Variants in CCDC73 observed in about 807,000 individuals in gnomAD.
CCDC73 encodes the protein coiled-coil domain-containing protein 73.
CCDC73 carries 95 observed loss-of-function variants against 116.5 expected under a neutral mutation model. That is an observed-to-expected ratio of 0.82 (90% CI 0.69 to 0.97). CCDC73 has a LOEUF of 0.97. Among genes scored for constraint, CCDC73 ranks in the 50% least tolerant of loss-of-function variants. CCDC73 has a pLI of 0.00. For synonymous variants in CCDC73, 398 were observed against 401.3 expected (o/e 0.99, Z 0.10); for missense variants, 1,066 against 1,206.8 (o/e 0.88, Z 1.73).
chr11:32,803,256 A>G, the CCDC73 span, among the ~76,000 whole-genome samples: 1 of 151,418 alleles, frequency 6.6e-6, no homozygotes, highest in East Asian at 2.0e-4. Flanking sequence ...ACATCTGGCT[A>G]ATTTTTGTAT....
intron 2 of CCDC73, among the ~76,000 whole-genome samples, chr11:32,745,099 A>C (rs1017963485): frequency 3.3e-5 from 5 of 152,214 alleles, no homozygotes; most frequent in Admixed American, 1.3e-4. Flanking sequence ...ACTCTGGTAC[A>C]TTGCGTCTTT....
chr11:32,791,598 A>G (rs1315766940), intron 1 of CCDC73, among the ~76,000 whole-genome samples: 3 of 152,208 alleles, frequency 2.0e-5, no homozygotes, highest in South Asian at 2.1e-4. Flanking sequence ...CAAAATTGTT[A>G]TATGTTCTTC....
chr11:32,776,937 AT>A (rs1433744535), intron 1 of CCDC73, among the ~76,000 whole-genome samples: 5,077 of 31,516 alleles, frequency 0.16, 125 homozygotes, highest in African/African-American at 0.19. Flanking sequence ...AAAAAAAAAA[AT>A]ATATATATAT....
chr11:32,699,019 C>T (rs1849786063), intron 6 of CCDC73, among the ~76,000 whole-genome samples: 2 of 151,618 alleles, frequency 1.3e-5, no homozygotes, highest in Admixed American at 6.6e-5. Context: ...ATCTATTTAA[C>T]TATATTAATA....
At chr11:32,657,474 C>G (rs1024122570) in intron 9 of CCDC73, among the ~76,000 whole-genome samples, 1 of 152,094 alleles carries the variant, frequency 6.6e-6, no homozygotes, top group Non-Finnish European at 1.5e-5. Flanking sequence ...TTGAGCTGGG[C>G]CTTGAAGAAT....
the CCDC73 span, among the ~76,000 whole-genome samples, chr11:32,818,118 T>G: frequency 6.6e-6 from 1 of 152,250 alleles, no homozygotes; most frequent in East Asian, 1.9e-4. Context: ...TTGCTTCAAA[T>G]GCTCCCTCCT....
In CCDC73 at chr11:32,613,747, C is replaced by G. The variant is rs749645752; in HGVS notation, c.2571G>C (p.Met857Ile). The G allele has an allele frequency of 6.2e-7, 1 of 1,614,018 alleles. No individual in the cohort carries two copies. The highest frequency in any genetic ancestry group is 8.5e-7 in the Non-Finnish European group (1 of 1,179,968). Residue 857 changes from methionine to isoleucine, a missense_variant, in exon 16 of 18, where the codon ATG (methionine) becomes ATC (isoleucine). Transcript: ENST00000335185. ...ESLNDIVSGK[M>I]FSEGQLEESH... ...ATTCCTCCAGCTGTCCTTCACTGAACATTTTTCCTGAAACAATGTCATTTA... is the reference window on the plus strand; with the variant it reads ...ATTCCTCCAGCTGTCCTTCACTGAAGATTTTTCCTGAAACAATGTCATTTA...
chr11:32,827,011 G>A, the CCDC73 span, among the ~76,000 whole-genome samples: 2 of 151,976 alleles, frequency 1.3e-5, no homozygotes, highest in Non-Finnish European at 2.9e-5. Flanking sequence ...ACAGGTGCCT[G>A]CCACCATGCC....
Position 32,675,874 on chromosome 11 carries a change from G to A in CCDC73, c.565+12C>T, listed in dbSNP as rs1856082738. On this transcript the variant is annotated intron_variant, in intron 8 of 17. Coordinates refer to ENST00000335185, the MANE Select transcript of CCDC73 (RefSeq NM_001008391.4). ...CTACTGAATATGTATATTTAAATAAGATAGCACATACCATTTTGTTCTAAC... is the reference window on the plus strand; with the variant it reads ...CTACTGAATATGTATATTTAAATAAAATAGCACATACCATTTTGTTCTAAC... The A allele has an allele frequency of 1.9e-6, 3 of 1,578,852 alleles. No individual in the cohort carries two copies. Among genetic ancestry groups the A allele is most frequent in the Non-Finnish European group, 2.6e-6 (3 of 1,161,560 alleles).
chr11:32,653,861 A>C, intron 11 of CCDC73, 117 bp downstream of exon 11: 1 of 1,177,256 alleles, frequency 8.5e-7, no homozygotes. Flanking sequence ...ACACATGTAC[A>C]TTTAATACAC....
At chr11:32,659,653 T>G (rs766097146) in intron 9 of CCDC73, among the ~76,000 whole-genome samples, 11 of 152,170 alleles carry the variant, frequency 7.2e-5, no homozygotes, top group Admixed American at 4.6e-4. Context: ...AAACACAAAG[T>G]GTCAGTAACA....
At chr11:32,699,372 A>G (rs1225966424) in intron 5 of CCDC73, 47 bp from the exon 6 acceptor site, 1 of 1,463,668 alleles carries the variant, frequency 6.8e-7, no homozygotes, top group Admixed American at 2.2e-5. Flanking sequence ...GTAAATAATA[A>G]TACAAAGGGT....
intron 4 of CCDC73, 44 bp from the exon 5 acceptor site, chr11:32,700,870 A>T: frequency 9.6e-7 from 1 of 1,037,662 alleles, no homozygotes; most frequent in South Asian, 1.6e-5. Flanking sequence ...ATCACTGTTA[A>T]CAGTGATCTA....
intron 14 of CCDC73, among the ~76,000 whole-genome samples, chr11:32,617,984 C>T (rs1855490253): frequency 6.6e-6 from 1 of 152,128 alleles, no homozygotes; most frequent in South Asian, 2.1e-4. Flanking sequence ...TCCCATCACT[C>T]AGGTAGTGGG....
intron 15 of CCDC73, chr11:32,615,729 C>G (rs994938334): frequency 4.9e-6 from 2 of 405,814 alleles, no homozygotes; most frequent in South Asian, 3.1e-5. Context: ...GAAAGGTTAT[C>G]TGAATTAAGA....
chr11:32,684,744 A>T (rs1856178327), intron 6 of CCDC73, among the ~76,000 whole-genome samples: 1 of 152,156 alleles, frequency 6.6e-6, no homozygotes, highest in Non-Finnish European at 1.5e-5. Context: ...GCACTTTAGG[A>T]GGCTGAGGCT....
intron 16 of CCDC73, among the ~76,000 whole-genome samples, 171 bp downstream of exon 16, chr11:32,613,251 A>G (rs1855438547): frequency 1.3e-5 from 2 of 152,240 alleles, no homozygotes; most frequent in African/African-American, 4.8e-5. Context: ...AGAAGCCTTA[A>G]CTACTTCACT....
At chr11:32,683,400 C>G (rs1396995) in intron 7 of CCDC73, 136 bp downstream of exon 7, 1 of 665,530 alleles carries the variant, frequency 1.5e-6, no homozygotes, top group Non-Finnish European at 2.7e-6. Flanking sequence ...TATCCCCTTT[C>G]ATATTACTGG....
At chr11:32,703,013 T>C in intron 3 of CCDC73, 69 bp from the exon 4 acceptor site, 1 of 1,026,290 alleles carries the variant, frequency 9.7e-7, no homozygotes, top group East Asian at 2.4e-5. Context: ...AAATCTTAAC[T>C]AGGTTCACAA....
Sources: gnomAD v4.1 joint callset for allele counts (sites outside exome capture counted in the v4.1 genomes callset) on GRCh38, gnomAD v4.1.1 for gene constraint, MANE v1.5 for transcripts, NCBI Gene and HGNC (gene_info 2026-07-23, HGNC 2026-07-21) for gene names.